PTPRQ: variants seen among roughly 807,000 people sequenced by gnomAD.
PTPRQ encodes the protein phosphatidylinositol phosphatase PTPRQ.
In PTPRQ, 199 loss-of-function variants were observed where a neutral mutation model predicts 246.0. That is an observed-to-expected ratio of 0.81 (90% confidence interval 0.72 to 0.91). The LOEUF is 0.91. PTPRQ is among the 40% of genes least tolerant of loss of function. The pLI is 0.00. For missense variants in PTPRQ, 2,624 were observed against 2,528.4 expected (o/e 1.04, Z -0.81); for synonymous variants, 869 against 853.2 (o/e 1.02, Z -0.32).
In PTPRQ at chr12:80,678,833, T is replaced by C; in HGVS notation, c.6862+108T>C. 4.8e-6 allele frequency: 7 copies of C among 1,443,936 alleles called. No individual in the cohort carries two copies. The South Asian group carries it at 9.6e-5, about 20-fold the overall frequency. The allele number at this position is 1,443,936 out of a possible 1,614,324, so 89.4% of individuals were successfully genotyped here. Reference sequence around the variant, plus strand: ...AAAAATGTTTAAGAAGCTGGATTAGTGCACAGATCAGGTTTTTTTTCTTTA... The same window carrying C: ...AAAAATGTTTAAGAAGCTGGATTAGCGCACAGATCAGGTTTTTTTTCTTTA... On this transcript the variant is annotated intron_variant, in intron 44 of 44. Transcript: ENST00000644991.
chr12:80,577,469 T>A (rs545467999), intron 25 of PTPRQ, among the ~76,000 whole-genome samples: 2 of 152,126 alleles, frequency 1.3e-5, no homozygotes, highest in Non-Finnish European at 2.9e-5. Flanking sequence ...TCCTGGTCCC[T>A]CCCATGACAT....
chr12:80,571,058 G>T (rs939221209), intron 25 of PTPRQ, among the ~76,000 whole-genome samples: 1 of 152,150 alleles, frequency 6.6e-6, no homozygotes, highest in Admixed American at 6.5e-5. Context: ...GATTGTCTTT[G>T]CTATGTGCTC....
Position 80,588,575 on chromosome 12 carries a change from C to T in PTPRQ, c.4609+123C>T, listed in dbSNP as rs1897693388. On this transcript the variant is annotated intron_variant, in intron 26 of 44. Coordinates refer to ENST00000644991, the MANE Select transcript of PTPRQ (RefSeq NM_001145026.2). ...CTGAACATAGAAATAACTGAGGACACTACCATATATAACGACATATTTAGT... is the reference window on the plus strand; with the variant it reads ...CTGAACATAGAAATAACTGAGGACATTACCATATATAACGACATATTTAGT... 7 of 1,067,834 alleles carry T rather than the reference C, an allele frequency of 6.6e-6. No individual in the cohort carries two copies. In the South Asian group the frequency reaches 2.9e-4, roughly 44 times the overall value. The allele number at this position is 1,067,834 out of a possible 1,614,324, so 66.1% of individuals were successfully genotyped here.
intron 33 of PTPRQ, among the ~76,000 whole-genome samples, chr12:80,628,369 A>G (rs1899285637): frequency 6.6e-6 from 1 of 152,154 alleles, no homozygotes; most frequent in Admixed American, 6.6e-5. Flanking sequence ...TATTGGTAAC[A>G]TTACATAAGT....
chr12:80,504,898 G>A (rs571985472), intron 14 of PTPRQ, among the ~76,000 whole-genome samples: 2 of 151,976 alleles, frequency 1.3e-5, no homozygotes, highest in East Asian at 1.9e-4. Context: ...TCTCTGCATG[G>A]TAGATTTATT....
At chr12:80,632,791 G>A (rs1013332646) in intron 34 of PTPRQ, among the ~76,000 whole-genome samples, 1 of 152,166 alleles carries the variant, frequency 6.6e-6, no homozygotes, top group African/African-American at 2.4e-5. Flanking sequence ...TTCCGTAGAA[G>A]CTACCCGTCA....
intron 25 of PTPRQ, among the ~76,000 whole-genome samples, chr12:80,563,937 A>AGT (rs1278137326): frequency 5.9e-5 from 9 of 152,134 alleles, no homozygotes; most frequent in Non-Finnish European, 1.3e-4. Flanking sequence ...TATGGGAAAG[A>AGT]ATGAGATCAT....
At chr12:80,463,467 C>G (rs1893276968) in intron 6 of PTPRQ, among the ~76,000 whole-genome samples, 1 of 152,160 alleles carries the variant, frequency 6.6e-6, no homozygotes, top group African/African-American at 2.4e-5. Flanking sequence ...AGGAGAACTT[C>G]CCCAATCTAG....
chr12:80,510,196 C>T, intron 16 of PTPRQ, 127 bp from the exon 17 acceptor site: 1 of 973,800 alleles, frequency 1.0e-6, no homozygotes, highest in Non-Finnish European at 1.4e-6. Context: ...TCTTGTGCTT[C>T]TGGAGAAAAG....
chr12:80,459,534 A>AT (rs111637311), intron 5 of PTPRQ, 51 bp downstream of exon 5: 132,990 of 397,712 alleles, frequency 0.33, 25,519 homozygotes, highest in African/African-American at 0.61. Flanking sequence ...AGATAAATTT[A>AT]ATTTTCATAT....
At chr12:80,596,166 G>A (rs991275785) in intron 26 of PTPRQ, among the ~76,000 whole-genome samples, 1 of 151,916 alleles carries the variant, frequency 6.6e-6, no homozygotes, top group Non-Finnish European at 1.5e-5. Flanking sequence ...AGAGTGCTAA[G>A]TGTGATTACA....
At chr12:80,630,625 G>T (rs1899392482) in intron 33 of PTPRQ, among the ~76,000 whole-genome samples, 3 of 152,148 alleles carry the variant, frequency 2.0e-5, no homozygotes, top group Admixed American at 2.0e-4. Flanking sequence ...TCCTGTAAAT[G>T]TCCAATTCCC....
intron 38 of PTPRQ, among the ~76,000 whole-genome samples, chr12:80,657,116 A>T (rs1311178159): frequency 2.0e-5 from 3 of 151,944 alleles, no homozygotes; most frequent in East Asian, 3.9e-4. Context: ...TAAGAAGAAA[A>T]TTTTAATTAA....
chr12:80,450,412 A>G (rs532683240), intron 3 of PTPRQ, among the ~76,000 whole-genome samples: 23 of 152,254 alleles, frequency 1.5e-4, no homozygotes, highest in African/African-American at 5.3e-4. Context: ...TTCCAACACT[A>G]TGTTGAATAG....
chr12:80,549,683 G>T lies in PTPRQ; in HGVS notation c.4234G>T (p.Ala1412Ser), dbSNP rs1896413162. ...CTTTAAAGTAAGAGCTTCAACCTCA[G>T]CTGGTGAAGGTGATGAAAGCACATG... is the stretch of plus-strand genomic sequence containing the variant. ...YVFKVRASTS[A>S]GEGDESTCHV... Residue 1412 changes from alanine to serine, a missense_variant, in exon 25 of 45, where the codon GCT (alanine) becomes TCT (serine). Ala to Ser is a moderately conservative substitution (Grantham distance 99). Transcript: ENST00000644991. The T allele has an allele frequency of 6.4e-7, 1 of 1,551,066 alleles. No homozygotes were observed. The highest frequency in any genetic ancestry group is 8.7e-7 in the Non-Finnish European group (1 of 1,146,512).
At chr12:80,540,725 A>T (rs541593141) in intron 20 of PTPRQ, among the ~76,000 whole-genome samples, 1 of 152,226 alleles carries the variant, frequency 6.6e-6, no homozygotes, top group East Asian at 1.9e-4. Context: ...AAGTTGGTCA[A>T]CATAAAAATA....
At position 80,477,885 on chromosome 12, in the gene PTPRQ, A is replaced by G. The variant is rs187450253; in HGVS notation, c.1186+5634A>G. On this transcript the variant is annotated intron_variant, in intron 8 of 44. Coordinates refer to ENST00000644991, the MANE Select transcript of PTPRQ (RefSeq NM_001145026.2). The stretch of plus-strand genomic sequence containing the variant: ...ACCTGGCTCGGAGGGTCCTACGCCC[A>G]CGGAGTCTCGCTGATTGCTAGTACA... 5.8e-3 allele frequency among the ~76,000 whole-genome samples: 888 copies of G among 152,310 alleles called. 10 individuals are homozygous for G. Among genetic ancestry groups the G allele is most frequent in the African/African-American group, 0.021 (862 of 41,570 alleles).
chr12:80,455,528 C>A (rs1312633009), intron 3 of PTPRQ, among the ~76,000 whole-genome samples: 1 of 151,764 alleles, frequency 6.6e-6, no homozygotes, highest in Non-Finnish European at 1.5e-5. Context: ...TTACTTTCAA[C>A]AAATATTTCT....
chr12:80,459,949 A>C (rs1435346379), intron 5 of PTPRQ, among the ~76,000 whole-genome samples: 2 of 152,226 alleles, frequency 1.3e-5, no homozygotes, highest in Non-Finnish European at 2.9e-5. Context: ...TTGCAGAGGT[A>C]GACTGTCATT....
Sources: gnomAD v4.1 joint callset for allele counts (sites outside exome capture counted in the v4.1 genomes callset) on GRCh38, gnomAD v4.1.1 for gene constraint, MANE v1.5 for transcripts, NCBI Gene and HGNC (gene_info 2026-07-23, HGNC 2026-07-21) for gene names.